PHEX: variants seen among roughly 807,000 people sequenced by gnomAD.
PHEX encodes phosphate-regulating neutral endopeptidase PHEX.
PHEX carries 16 observed loss-of-function variants against 68.0 expected under a neutral mutation model. The observed-to-expected ratio is 0.24, with a 90% CI of 0.16 to 0.36. The LOEUF (loss-of-function observed/expected upper bound fraction) is 0.36, where lower values mean the gene tolerates loss of function less well. PHEX is among the 10% of genes least tolerant of loss of function. PHEX has a pLI of 1.00. For synonymous variants in PHEX, 208 were observed against 205.1 expected, an observed-to-expected ratio of 1.01 and a Z score of -0.12; for missense variants, 480 against 575.5, an observed-to-expected ratio of 0.83 and a Z score of 1.70.
chrX:22,167,427 AT>A (rs1429097080), intron 12 of PHEX, among the ~76,000 whole-genome samples: 1 of 107,588 alleles, frequency 9.3e-6, no homozygotes, highest in Non-Finnish European at 1.9e-5. Context: ...TCTGTTGACA[AT>A]TTGCATGTCT....
chrX:22,199,529 C>T (rs760501037), intron 15 of PHEX, among the ~76,000 whole-genome samples: 10 of 111,487 alleles, frequency 9.0e-5, no homozygotes, highest in Non-Finnish European at 1.5e-4. Context: ...CTCTTGCTGT[C>T]CAGCTCTGTG....
chrX:22,052,522 T>C (rs1253105940), intron 3 of PHEX, among the ~76,000 whole-genome samples: 1 of 112,144 alleles, frequency 8.9e-6, no homozygotes, highest in Non-Finnish European at 1.9e-5. Flanking sequence ...GCTACCGTAC[T>C]CAGCCGGATA....
chrX:22,221,510 C>T, intron 17 of PHEX, 103 bp from the exon 18 acceptor site: 1 of 671,071 alleles, frequency 1.5e-6, no homozygotes, highest in Non-Finnish European at 2.4e-6. Context: ...GTGTTCCCTG[C>T]TGTTATGACT....
intron 2 of PHEX, among the ~76,000 whole-genome samples, chrX:22,046,697 G>A (rs1234453735): frequency 9.2e-6 from 1 of 108,792 alleles, no homozygotes; most frequent in Non-Finnish European, 1.9e-5. Flanking sequence ...CCTCTGAGTA[G>A]CTGGGATTAC....
intron 5 of PHEX, among the ~76,000 whole-genome samples, chrX:22,084,126 G>A (rs1929511566): frequency 8.9e-6 from 1 of 111,809 alleles, no homozygotes; most frequent in Non-Finnish European, 1.9e-5. Context: ...TTAATGTGAT[G>A]TGTTTATATT....
intron 16 of PHEX, among the ~76,000 whole-genome samples, chrX:22,216,510 T>C (rs1459776418): frequency 9.4e-6 from 1 of 106,881 alleles, no homozygotes; most frequent in Non-Finnish European, 1.9e-5. Context: ...TTTATTTATT[T>C]ATTTATTTAT....
At chrX:22,216,196 C>T (rs973724130) in intron 16 of PHEX, among the ~76,000 whole-genome samples, 16 of 111,738 alleles carry the variant, frequency 1.4e-4, no homozygotes, top group African/African-American at 5.2e-4. Flanking sequence ...AAGCCATTTC[C>T]AACTCAGAAA....
intron 15 of PHEX, among the ~76,000 whole-genome samples, chrX:22,196,855 G>T (rs1934383866): frequency 9.0e-6 from 1 of 111,724 alleles, no homozygotes; most frequent in Non-Finnish European, 1.9e-5. Context: ...TTGTCCAGAG[G>T]CTGGGCTTAT....
chrX:22,234,614 C>A (rs1935896534), intron 20 of PHEX, among the ~76,000 whole-genome samples: 1 of 109,621 alleles, frequency 9.1e-6, no homozygotes, highest in Admixed American at 9.7e-5. Context: ...ACGCCCCTTC[C>A]CCCCCCAAGC....
intron 14 of PHEX, 42 bp from the exon 15 acceptor site, chrX:22,190,402 A>G (rs1205855476): frequency 1.0e-6 from 1 of 961,013 alleles, no homozygotes; most frequent in African/African-American, 1.9e-5. Context: ...TCCTGCCTGT[A>G]TAATGATGAT....
At position 22,249,208 on chromosome X, in the gene PHEX, C is replaced by CATGTGTGTGTGTGT. The variant is rs1936481443; in HGVS notation, c.*1255_*1256insATGTGTGTGTGTGT. Reference sequence around the variant, plus strand: ...AGTGAACTCCTTTCTTATTACTGAGCGTGTGTGTGTGTGTGTGTGTGTGTG... The same window carrying CATGTGTGTGTGTGT: ...AGTGAACTCCTTTCTTATTACTGAGCATGTGTGTGTGTGTGTGTGTGTGTGTGTGTGTGTGTGTG... On this transcript the variant is annotated 3_prime_UTR_variant, in exon 22 of 22. Coordinates refer to ENST00000379374, the MANE Select transcript of PHEX (RefSeq NM_000444.6). 1.2e-5 allele frequency: 1 copy of CATGTGTGTGTGTGT among 86,050 alleles called. No individual in the cohort carries two copies. Among genetic ancestry groups the CATGTGTGTGTGTGT allele is most frequent in the Non-Finnish European group, 2.2e-5 (1 of 45,712 alleles). 7.1% of individuals were successfully genotyped at this position (86,050 alleles called of 1,213,427 possible).
At chrX:22,083,948 C>T (rs1321868961) in intron 5 of PHEX, among the ~76,000 whole-genome samples, 5 of 111,724 alleles carry the variant, frequency 4.5e-5, no homozygotes, top group African/African-American at 9.8e-5. Context: ...TTTCACCATT[C>T]GGTATGATGT....
intron 20 of PHEX, among the ~76,000 whole-genome samples, chrX:22,228,729 C>CT (rs1935598509): frequency 9.2e-6 from 1 of 109,041 alleles, no homozygotes. Context: ...CTTTACTTTA[C>CT]TTTAAAAAAA....
chrX:22,106,854 G>C (rs1275956139), intron 9 of PHEX, among the ~76,000 whole-genome samples: 6 of 109,365 alleles, frequency 5.5e-5, no homozygotes, highest in Non-Finnish European at 7.6e-5. Flanking sequence ...GCAGGCTTTA[G>C]AGTTAGACAC....
In PHEX at chrX:22,247,842, G is replaced by A. The variant is rs1403386278; in HGVS notation, c.2148-9G>A. The A allele has an allele frequency of 6.1e-6, 7 of 1,154,591 alleles. No homozygotes were observed. The highest frequency in any genetic ancestry group is 5.4e-5 in the South Asian group (3 of 55,772). On this transcript the variant is annotated splice_polypyrimidine_tract_variant and intron_variant, in intron 21 of 21. Coordinates refer to ENST00000379374, the MANE Select transcript of PHEX (RefSeq NM_000444.6). ...TATATGACATATGCTTTGACATATC[G>A]TTTTTCAGGGTCAATGGTGCAATTA...
chrX:22,144,532 G>T (rs1445521376), intron 12 of PHEX, among the ~76,000 whole-genome samples: 1 of 110,511 alleles, frequency 9.0e-6, no homozygotes, highest in East Asian at 2.8e-4. Context: ...GAATTTTAAA[G>T]CTAATTCCAT....
chrX:22,142,508 T>A (rs1932513043), intron 12 of PHEX, among the ~76,000 whole-genome samples: 1 of 112,172 alleles, frequency 8.9e-6, no homozygotes, highest in Admixed American at 9.5e-5. Context: ...GTTCATAACT[T>A]GATAAGTTTG....
At chrX:22,239,411 G>A (rs1390004972) in intron 20 of PHEX, among the ~76,000 whole-genome samples, 5 of 110,987 alleles carry the variant, frequency 4.5e-5, no homozygotes, top group Non-Finnish European at 9.4e-5. Flanking sequence ...ACAGAAGTAG[G>A]CTTCAGAAGG....
chrX:22,132,310 G>T (rs975310500), intron 11 of PHEX, among the ~76,000 whole-genome samples: 1 of 110,902 alleles, frequency 9.0e-6, no homozygotes, highest in African/African-American at 3.3e-5. Flanking sequence ...GTCCTCTTGT[G>T]TTGCCCAGGC....
Sources: allele counts gnomAD v4.1 joint callset (sites outside exome capture counted in the v4.1 genomes callset), GRCh38; gene constraint gnomAD v4.1.1; transcripts MANE v1.5; gene names NCBI Gene and HGNC (gene_info 2026-07-23, HGNC 2026-07-21).